Variants in SAMMSON observed in about 807,000 individuals in gnomAD.
The protein encoded by SAMMSON is survival associated mitochondrial melanoma specific oncogenic non-coding RNA, also known as long intergenic non-protein coding RNA 1212.
chr3:70,335,094 A>T (rs1487547940), intron 7 of SAMMSON, among the ~76,000 whole-genome samples: 1 of 151,106 alleles, frequency 6.6e-6, no homozygotes, highest in Non-Finnish European at 1.5e-5. Flanking sequence ...TAGTTCCCTT[A>T]TATGTAGAAT....
intron 3 of SAMMSON, chr3:70,024,852 A>G (rs1158495893): frequency 6.6e-6 from 1 of 152,234 alleles, no homozygotes; most frequent in Non-Finnish European, 1.5e-5. Context: ...AAAACAAAAG[A>G]TGCAGAGGAA....
At chr3:70,088,611 C>A (rs900009196) in intron 4 of SAMMSON, among the ~76,000 whole-genome samples, 2 of 152,152 alleles carry the variant, frequency 1.3e-5, no homozygotes, top group African/African-American at 4.8e-5. Context: ...GAGACGGTAG[C>A]TGAGATGTGT....
intron 4 of SAMMSON, among the ~76,000 whole-genome samples, chr3:70,101,311 A>T (rs1467105815): frequency 6.6e-6 from 1 of 152,176 alleles, no homozygotes; most frequent in Non-Finnish European, 1.5e-5. Context: ...GGAAGAAGTA[A>T]ACACATATTT....
intron 6 of SAMMSON, among the ~76,000 whole-genome samples, chr3:70,260,189 T>A (rs1701852677): frequency 6.6e-6 from 1 of 152,162 alleles, no homozygotes; most frequent in Non-Finnish European, 1.5e-5. Flanking sequence ...TCTTCCTAAC[T>A]TCTAGTGGTT....
chr3:70,266,964 C>G (rs886658879), intron 6 of SAMMSON, among the ~76,000 whole-genome samples: 1 of 152,156 alleles, frequency 6.6e-6, no homozygotes, highest in African/African-American at 2.4e-5. Flanking sequence ...GGAGCCTTCA[C>G]ATATGAACAT....
At position 70,409,001 on chromosome 3, in the gene SAMMSON, C is replaced by T. The variant is rs563679256; in HGVS notation, n.233+50677C>T. Among the ~76,000 whole-genome samples, 9 of 152,190 alleles carry T rather than the reference C, an allele frequency of 5.9e-5. No individual in the cohort carries two copies. In the South Asian group the frequency reaches 1.9e-3, roughly 32 times the overall value. Reference sequence around the variant, plus strand: ...AATGAGGAAGGTGCAAAAGCGGAAACCCCTGACAAAACCATCAGATCTACT... The same window carrying T: ...AATGAGGAAGGTGCAAAAGCGGAAATCCCTGACAAAACCATCAGATCTACT... On this transcript the variant is annotated intron_variant and non_coding_transcript_variant, in intron 2 of 3. Coordinates refer to the SAMMSON transcript ENST00000641053.
chr3:70,366,934 G>A (rs1039602807), intron 9 of SAMMSON, among the ~76,000 whole-genome samples: 10 of 151,528 alleles, frequency 6.6e-5, no homozygotes, highest in African/African-American at 2.4e-4. Flanking sequence ...AAATGAGGTT[G>A]AGCATATTTT....
chr3:70,131,473 C>G (rs999728990), intron 4 of SAMMSON, among the ~76,000 whole-genome samples: 2 of 152,174 alleles, frequency 1.3e-5, no homozygotes, highest in Non-Finnish European at 2.9e-5. Flanking sequence ...AGCCAGTTGT[C>G]TGGGGCAGGG....
chr3:70,371,429 C>T (rs1025900925), intron 9 of SAMMSON, among the ~76,000 whole-genome samples: 1 of 151,942 alleles, frequency 6.6e-6, no homozygotes, highest in African/African-American at 2.4e-5. Flanking sequence ...GATAGTAAGT[C>T]TTCCAATCCA....
intron 7 of SAMMSON, among the ~76,000 whole-genome samples, chr3:70,303,029 A>G (rs1357267): frequency 0.25 from 37,721 of 152,132 alleles, 4,841 homozygotes; most frequent in South Asian, 0.33. Flanking sequence ...TCAGAGAATC[A>G]AAATGATTTT....
At chr3:70,394,879 C>G (rs1327101988) in intron 2 of SAMMSON, among the ~76,000 whole-genome samples, 4 of 152,140 alleles carry the variant, frequency 2.6e-5, no homozygotes, top group Non-Finnish European at 2.9e-5. Context: ...GTAAAACAAA[C>G]AGCCAGCAAC....
chr3:70,078,008 T>C (rs1181235449), intron 4 of SAMMSON, among the ~76,000 whole-genome samples: 1 of 152,214 alleles, frequency 6.6e-6, no homozygotes, highest in African/African-American at 2.4e-5. Context: ...CCTGCTGCAA[T>C]ACTTCCGTGC....
chr3:70,201,107 T>C (rs185913099), intron 4 of SAMMSON, among the ~76,000 whole-genome samples: 1 of 152,228 alleles, frequency 6.6e-6, no homozygotes, highest in East Asian at 1.9e-4. Context: ...ATAGGTAAAC[T>C]TGTGTCATGG....
intron 4 of SAMMSON, among the ~76,000 whole-genome samples, chr3:70,169,902 A>T (rs1044901049): frequency 6.6e-6 from 1 of 151,878 alleles, no homozygotes; most frequent in African/African-American, 2.4e-5. Context: ...TTCAGAAGGT[A>T]TCAAACTCAT....
intron 6 of SAMMSON, among the ~76,000 whole-genome samples, chr3:70,274,901 G>T (rs1702007881): frequency 6.6e-6 from 1 of 152,130 alleles, no homozygotes; most frequent in South Asian, 2.1e-4. Context: ...GATTTGCTCT[G>T]TTAAAGATCT....
At chr3:70,358,627 T>G (rs544297396) in intron 9 of SAMMSON, among the ~76,000 whole-genome samples, 5 of 152,146 alleles carry the variant, frequency 3.3e-5, no homozygotes, top group African/African-American at 1.2e-4. Context: ...ATTCTGTGGA[T>G]TGGAAGCTCC....
At chr3:70,408,466 C>G (rs1359978977) in intron 2 of SAMMSON, among the ~76,000 whole-genome samples, 1 of 152,148 alleles carries the variant, frequency 6.6e-6, no homozygotes, top group Non-Finnish European at 1.5e-5. Context: ...TTTCTTCTGC[C>G]AGATATCCTA....
At chr3:70,235,085 CT>C (rs1559541439) in intron 4 of SAMMSON, among the ~76,000 whole-genome samples, 1 of 152,144 alleles carries the variant, frequency 6.6e-6, no homozygotes, top group African/African-American at 2.4e-5. Flanking sequence ...GCAGAATGTC[CT>C]TGTTCCTTTA....
At chr3:70,367,394 A>T (rs778688954) in intron 9 of SAMMSON, among the ~76,000 whole-genome samples, 3 of 151,658 alleles carry the variant, frequency 2.0e-5, no homozygotes, top group Non-Finnish European at 3.0e-5. Context: ...TAAATTTTTT[A>T]AAAATTTTTT....
Sources: gnomAD v4.1 joint callset for allele counts (sites outside exome capture counted in the v4.1 genomes callset) on GRCh38, gnomAD v4.1.1 for gene constraint, MANE v1.5 for transcripts, NCBI Gene and HGNC (gene_info 2026-07-23, HGNC 2026-07-21) for gene names.